Variants in TENM2 observed in about 807,000 individuals in gnomAD.
The protein encoded by TENM2 is teneurin-2.
A neutral mutation model predicts 245.2 loss-of-function variants in TENM2; 52 were observed. The observed-to-expected ratio is 0.21, with a 90% CI of 0.17 to 0.27. The LOEUF (loss-of-function observed/expected upper bound fraction) is 0.27, where lower values mean the gene tolerates loss of function less well. Ranked by LOEUF, TENM2 falls within the 10% of genes least tolerant of loss-of-function variation. TENM2 has a pLI of 1.00. For missense variants in TENM2, 3,046 were observed against 3,666.8 expected, an observed-to-expected ratio of 0.83 and a Z score of 4.37; for synonymous variants, 1,363 against 1,438.9, an observed-to-expected ratio of 0.95 and a Z score of 1.19.
At chr5:167,234,836 C>G in the TENM2 span, among the ~76,000 whole-genome samples, 2 of 152,112 alleles carry the variant, frequency 1.3e-5, no homozygotes, top group South Asian at 4.1e-4. Flanking sequence ...ACATATCCCC[C>G]TTCCATTTTT....
intron 2 of TENM2, among the ~76,000 whole-genome samples, chr5:167,763,994 C>G (rs1762843082): frequency 6.6e-6 from 1 of 152,090 alleles, no homozygotes; most frequent in Non-Finnish European, 1.5e-5. Flanking sequence ...CAATACAAGT[C>G]AGAATTTCCA....
At chr5:167,256,696 A>C in the TENM2 span, among the ~76,000 whole-genome samples, 2 of 152,136 alleles carry the variant, frequency 1.3e-5, no homozygotes, top group Non-Finnish European at 2.9e-5. Context: ...AATCTATCAG[A>C]ATATATGGAA....
At chr5:167,803,208 G>T (rs747914346) in intron 2 of TENM2, among the ~76,000 whole-genome samples, 3 of 152,072 alleles carry the variant, frequency 2.0e-5, no homozygotes, top group African/African-American at 7.2e-5. Context: ...CCATTTACAC[G>T]GGAGGAAACA....
At position 168,069,221 on chromosome 5, in the gene TENM2, A is replaced by G. The variant is rs187158379; in HGVS notation, c.1515+6956A>G. Among the ~76,000 whole-genome samples the G allele has an allele frequency of 3.9e-5, 6 of 152,344 alleles. No homozygotes were observed. In the East Asian group the frequency reaches 1.2e-3, roughly 29 times the overall value. On this transcript the variant is annotated intron_variant, in intron 7 of 28. Transcript: ENST00000518659. ...ATTGCTTGTATGACTTTATCTGAGC[A>G]GACACACATCGGCCTGGATTCAAAG...
intron 9 of TENM2, among the ~76,000 whole-genome samples, 188 bp downstream of exon 11, chr5:168,098,315 G>A (rs891428665): frequency 2.6e-5 from 4 of 152,164 alleles, no homozygotes; most frequent in African/African-American, 7.2e-5. Context: ...ATTGGCCAAC[G>A]TACCTATAGG....
At chr5:168,043,429 A>T (rs1461059679) in intron 5 of TENM2, among the ~76,000 whole-genome samples, 1 of 152,080 alleles carries the variant, frequency 6.6e-6, no homozygotes, top group African/African-American at 2.4e-5. Flanking sequence ...TTAAAATTGG[A>T]GGTATGATGA....
At chr5:167,636,325 T>C (rs1779209680) in intron 2 of TENM2, among the ~76,000 whole-genome samples, 1 of 152,222 alleles carries the variant, frequency 6.6e-6, no homozygotes, top group African/African-American at 2.4e-5. Flanking sequence ...ACCTATACAA[T>C]TAGCTAAATG....
rs549014099 is a variant in TENM2 at position 167,669,854 on chromosome 5, C to T, written c.503-206132C>T. On this transcript the variant is annotated intron_variant, in intron 2 of 28. Coordinates refer to ENST00000518659, the Ensembl canonical transcript of TENM2. ...ATAATTGCAAAATCTATTGCTGCCA[C>T]TTTTGAGGTTTTTTTTTTTAAATAA... Among the ~76,000 whole-genome samples the T allele has an allele frequency of 9.0e-5, 12 of 133,178 alleles. No individual in the cohort carries two copies. In the South Asian group the frequency reaches 2.6e-3, roughly 29 times the overall value. The allele number at this position is 133,178 out of a possible 152,430, so 87.4% of individuals were successfully genotyped here. A position where few individuals can be genotyped will look rare whatever the true frequency, so the allele number is the denominator to read the frequency against.
chr5:167,115,040 A>G, the TENM2 span, among the ~76,000 whole-genome samples: 1 of 152,240 alleles, frequency 6.6e-6, no homozygotes, highest in Non-Finnish European at 1.5e-5. Context: ...TTTGCAAAAA[A>G]CAAAGTCATC....
intron 2 of TENM2, among the ~76,000 whole-genome samples, chr5:167,399,553 G>T (rs998287554): frequency 1.3e-5 from 2 of 152,180 alleles, no homozygotes; most frequent in Non-Finnish European, 2.9e-5. Context: ...CCTAAATGGT[G>T]ACAGGAGGTG....
chr5:167,060,650 C>CA, the TENM2 span, among the ~76,000 whole-genome samples: 430 of 101,600 alleles, frequency 4.2e-3, 3 homozygotes, highest in African/African-American at 8.7e-3. Context: ...GACCTTCTCT[C>CA]AAAAAAAAAA....
intron 1 of TENM2, among the ~76,000 whole-genome samples, chr5:167,317,217 A>G (rs1046114371): frequency 1.3e-5 from 2 of 152,218 alleles, no homozygotes; most frequent in African/African-American, 4.8e-5. Flanking sequence ...CAGTAGGTTC[A>G]TGATTCTTCC....
the TENM2 span, among the ~76,000 whole-genome samples, chr5:167,277,721 A>G: frequency 2.0e-5 from 3 of 152,186 alleles, no homozygotes; most frequent in Admixed American, 6.5e-5. Context: ...GAAAACTCAA[A>G]TACAATTGTG....
At chr5:168,254,673 C>A (rs1271570456) in intron 27 of TENM2, among the ~76,000 whole-genome samples, 1 of 152,174 alleles carries the variant, frequency 6.6e-6, no homozygotes, top group Non-Finnish European at 1.5e-5. Flanking sequence ...ACATCACTTT[C>A]ACCTCCTCAA....
intron 4 of TENM2, among the ~76,000 whole-genome samples, chr5:167,967,517 G>C (rs895212714): frequency 3.3e-5 from 5 of 152,182 alleles, no homozygotes; most frequent in African/African-American, 7.2e-5. Context: ...CTAAGGAGAA[G>C]CTGTCCTTTT....
At chr5:167,554,184 T>C (rs986286248) in intron 2 of TENM2, among the ~76,000 whole-genome samples, 2 of 152,212 alleles carry the variant, frequency 1.3e-5, no homozygotes, top group Admixed American at 6.5e-5. Context: ...TTGTGATTTA[T>C]CTAGACTCTA....
Position 168,218,495 on chromosome 5 carries a change from A to T in TENM2, c.4604A>T (p.Asp1535Val). Residue 1535 changes from aspartate (D) to valine (V), a missense_variant, in exon 23 of 29, where the codon GAT becomes GTT. This residue lies in a region of TENM2 where 2,704 missense variants were observed against 3,331.9 expected (regional missense o/e 0.81). Transcript: ENST00000518659. This position sits in a 1 kb window ranked among gnomAD's most constrained non-coding sequence, Gnocchi z 5.2. ...AATTGCAACTGCTATTCAGGAGATG[A>T]TGCCTACGCGACTGATGCCATCTTG... 6.2e-7 allele frequency: 1 copy of T among 1,614,068 alleles called. No individual in the cohort carries two copies. Among genetic ancestry groups the T allele is most frequent in the Non-Finnish European group, 8.5e-7 (1 of 1,179,906 alleles).
intron 2 of TENM2, among the ~76,000 whole-genome samples, chr5:167,394,242 TCA>T (rs1186695638): frequency 2.0e-5 from 3 of 152,176 alleles, no homozygotes; most frequent in Non-Finnish European, 1.5e-5. Context: ...TTTAGGAGAT[TCA>T]CAGTTTCAGG....
At chr5:167,996,633 T>C (rs1784070358) in intron 5 of TENM2, among the ~76,000 whole-genome samples, 1 of 152,208 alleles carries the variant, frequency 6.6e-6, no homozygotes, top group Admixed American at 6.5e-5. Flanking sequence ...ACAAGATGTA[T>C]TGTGTTATCT....
Sources: allele counts gnomAD v4.1 joint callset (sites outside exome capture counted in the v4.1 genomes callset), GRCh38; gene constraint gnomAD v4.1.1; regional missense constraint gnomAD v4.1.1; non-coding constraint Gnocchi (gnomAD v3.1); transcripts MANE v1.5; gene names NCBI Gene and HGNC (gene_info 2026-07-23, HGNC 2026-07-21).